HS6ST3: variants seen among roughly 807,000 people sequenced by gnomAD.
The protein encoded by HS6ST3 is heparan sulfate 6-O-sulfotransferase 3.
A neutral mutation model predicts 36.7 loss-of-function variants in HS6ST3; 12 were observed. The ratio of observed to expected loss-of-function variants is 0.33; its 90% CI spans 0.21 to 0.53. The LOEUF is 0.53. Ranked by LOEUF, HS6ST3 falls within the 20% of genes least tolerant of loss-of-function variation. The probability of loss-of-function intolerance (pLI) is 0.95; values close to 1 mark genes in which losing one functional copy is unlikely to be tolerated. For synonymous variants in HS6ST3, 240 were observed against 257.5 expected (o/e 0.93, Z 0.65); for missense variants, 584 against 640.9 (o/e 0.91, Z 0.96).
chr13:96,662,045 A>G (rs1051329791), intron 1 of HS6ST3, among the ~76,000 whole-genome samples: 6 of 151,960 alleles, frequency 3.9e-5, no homozygotes, highest in African/African-American at 1.5e-4. Context: ...CTTTACGTGG[A>G]CTTTGAATAG....
rs140259854 is a variant in HS6ST3 at position 96,718,107 on chromosome 13, T to C, written c.708-114383T>C. ...CCTACAATCGTGGAGATGTCCTGAA[T>C]GCCCCAGTCTGGGTCAGCATCCCAC... is the stretch of plus-strand genomic sequence containing the variant. On this transcript the variant is annotated intron_variant, in intron 1 of 1. Coordinates refer to ENST00000376705, the MANE Select transcript of HS6ST3 (RefSeq NM_153456.4). Among the ~76,000 whole-genome samples the C allele has an allele frequency of 7.2e-4, 109 of 152,294 alleles. 1 individual carries two copies. The East Asian group carries it at 0.02, about 28-fold the overall frequency.
chr13:96,386,627 G>A (rs1257842882), intron 1 of HS6ST3, among the ~76,000 whole-genome samples: 1 of 152,124 alleles, frequency 6.6e-6, no homozygotes, highest in African/African-American at 2.4e-5. Flanking sequence ...AGCACTTTGG[G>A]AAGCAGAGGT....
At chr13:96,706,425 A>G (rs1875427190) in intron 1 of HS6ST3, among the ~76,000 whole-genome samples, 1 of 128,376 alleles carries the variant, frequency 7.8e-6, no homozygotes, top group South Asian at 2.2e-4. Context: ...ATATATATAT[A>G]TATATATATA....
chr13:96,713,138 C>T (rs901266884), intron 1 of HS6ST3, among the ~76,000 whole-genome samples: 2 of 152,158 alleles, frequency 1.3e-5, no homozygotes, highest in East Asian at 1.9e-4. Flanking sequence ...GGGATATTTT[C>T]GAAATTCCAC....
At chr13:96,568,840 G>A (rs1028312368) in intron 1 of HS6ST3, among the ~76,000 whole-genome samples, 6 of 152,186 alleles carry the variant, frequency 3.9e-5, no homozygotes, top group Non-Finnish European at 8.8e-5. Flanking sequence ...GCAATCTTAA[G>A]TGAATTCTGC....
At chr13:96,355,383 ACACACACACACAC>A in intron 1 of HS6ST3, among the ~76,000 whole-genome samples, 1 of 150,928 alleles carries the variant, frequency 6.6e-6, no homozygotes, top group African/African-American at 2.5e-5. Context: ...ACACACACAC[ACACACACACACAC>A]ACACACAAAC....
intron 1 of HS6ST3, among the ~76,000 whole-genome samples, chr13:96,232,147 C>A (rs747441215): frequency 6.6e-6 from 1 of 152,162 alleles, no homozygotes; most frequent in East Asian, 1.9e-4. Flanking sequence ...TGGATTGTTA[C>A]GAAATTATGT....
intron 1 of HS6ST3, among the ~76,000 whole-genome samples, chr13:96,505,612 A>T (rs761056642): frequency 6.6e-6 from 1 of 152,168 alleles, no homozygotes; most frequent in Non-Finnish European, 1.5e-5. Flanking sequence ...TGCAGGAATT[A>T]TTTACTTGTC....
intron 1 of HS6ST3, among the ~76,000 whole-genome samples, chr13:96,600,031 A>G (rs1469036243): frequency 6.6e-6 from 1 of 152,022 alleles, no homozygotes; most frequent in Non-Finnish European, 1.5e-5. Context: ...AGATTTATTG[A>G]GACTTGTTTT....
chr13:96,154,124 GATTAAT>G lies in HS6ST3; in HGVS notation c.707+62568_707+62573del, dbSNP rs1326745763. On this transcript the variant is annotated intron_variant, in intron 1 of 1. Transcript: ENST00000376705. ...TAGTGATTTTTCAGTGAAATGAGGTGATTAATATTAATATTAATTATAATGTTAATA... is the reference window on the plus strand; with the variant it reads ...TAGTGATTTTTCAGTGAAATGAGGTGATTAATATTAATTATAATGTTAATA... Among the ~76,000 whole-genome samples, 137 of 152,010 alleles carry G rather than the reference GATTAAT, an allele frequency of 9.0e-4. 1 individual carries two copies. The highest frequency in any genetic ancestry group is 2.9e-3 in the African/African-American group (122 of 41,500).
At chr13:96,538,505 A>G (rs2056164680) in intron 1 of HS6ST3, among the ~76,000 whole-genome samples, 1 of 152,184 alleles carries the variant, frequency 6.6e-6, no homozygotes, top group Non-Finnish European at 1.5e-5. Context: ...GTGCAGTGGC[A>G]CGATCTTGGC....
chr13:96,478,112 T>C (rs1594789027), intron 1 of HS6ST3, among the ~76,000 whole-genome samples: 1 of 152,120 alleles, frequency 6.6e-6, no homozygotes, highest in Non-Finnish European at 1.5e-5. Context: ...AGAGAAAAAA[T>C]AGGACCTAGC....
At chr13:96,158,680 G>T (rs1429516518) in intron 1 of HS6ST3, among the ~76,000 whole-genome samples, 8 of 137,720 alleles carry the variant, frequency 5.8e-5, no homozygotes, top group East Asian at 2.3e-4. Flanking sequence ...AAAAAATAGA[G>T]AAGAAGAGAG....
At chr13:96,173,129 A>G (rs940814543) in intron 1 of HS6ST3, among the ~76,000 whole-genome samples, 16 of 152,194 alleles carry the variant, frequency 1.1e-4, no homozygotes, top group African/African-American at 3.9e-4. Flanking sequence ...TTGCTGATAG[A>G]TATATGTGCT....
At chr13:96,554,546 T>A (rs2056232098) in intron 1 of HS6ST3, among the ~76,000 whole-genome samples, 2 of 152,166 alleles carry the variant, frequency 1.3e-5, no homozygotes, top group South Asian at 4.1e-4. Context: ...GTGAAGAATC[T>A]GGGCACAATC....
chr13:96,510,315 T>C (rs563219418), intron 1 of HS6ST3, among the ~76,000 whole-genome samples: 3 of 152,252 alleles, frequency 2.0e-5, no homozygotes, highest in Middle Eastern at 3.4e-3. Context: ...TCATATCATA[T>C]GCAAACAGTG....
intron 1 of HS6ST3, among the ~76,000 whole-genome samples, chr13:96,799,026 T>C (rs951207798): frequency 2.6e-5 from 4 of 152,092 alleles, no homozygotes; most frequent in Non-Finnish European, 5.9e-5. Context: ...CACCCTAACA[T>C]CCTTATTTTA....
intron 1 of HS6ST3, among the ~76,000 whole-genome samples, chr13:96,828,026 C>G (rs1464644806): frequency 6.6e-6 from 1 of 152,204 alleles, no homozygotes; most frequent in Non-Finnish European, 1.5e-5. Flanking sequence ...AGCCCAGAAG[C>G]TGTGTCAGTC....
chr13:96,747,949 C>G (rs1290920461), intron 1 of HS6ST3, among the ~76,000 whole-genome samples: 1 of 152,074 alleles, frequency 6.6e-6, no homozygotes, highest in Non-Finnish European at 1.5e-5. Context: ...GTCAGGAATT[C>G]TAATTAATGC....
Sources: gnomAD v4.1 joint callset for allele counts (sites outside exome capture counted in the v4.1 genomes callset) on GRCh38, gnomAD v4.1.1 for gene constraint, MANE v1.5 for transcripts, NCBI Gene and HGNC (gene_info 2026-07-23, HGNC 2026-07-21) for gene names.